SPIDR: variants seen among roughly 807,000 people sequenced by gnomAD.
The protein encoded by SPIDR is scaffold protein involved in DNA repair.
In SPIDR, 93 loss-of-function variants were observed where a neutral mutation model predicts 104.6. The ratio of observed to expected loss-of-function variants is 0.89; its 90% CI spans 0.75 to 1.06. SPIDR has a LOEUF of 1.06. Among genes scored for constraint, SPIDR ranks in the 50% least tolerant of loss-of-function variants. The pLI is 0.00. For synonymous variants in SPIDR, 431 were observed against 416.9 expected (o/e 1.03, Z -0.41); for missense variants, 1,154 against 1,111.2 (o/e 1.04, Z -0.55).
At chr8:47,681,629 C>A (rs534596754) in intron 11 of SPIDR, among the ~76,000 whole-genome samples, 47 of 152,180 alleles carry the variant, frequency 3.1e-4, no homozygotes, top group Non-Finnish European at 5.6e-4. Context: ...TCCCAAGTCA[C>A]ACAAATCATT....
chr8:47,447,031 C>T (rs1241940685), intron 8 of SPIDR, among the ~76,000 whole-genome samples: 1 of 152,130 alleles, frequency 6.6e-6, no homozygotes, highest in African/African-American at 2.4e-5. Flanking sequence ...TTCCAACCCT[C>T]TTCAGTGACT....
intron 7 of SPIDR, among the ~76,000 whole-genome samples, chr8:47,434,024 C>T (rs1554690733): frequency 1.3e-5 from 2 of 152,004 alleles, no homozygotes; most frequent in African/African-American, 4.8e-5. Flanking sequence ...ACAGAAACAC[C>T]CCAAATAAAA....
At chr8:47,610,748 A>T (rs765076699) in intron 10 of SPIDR, among the ~76,000 whole-genome samples, 13 of 152,256 alleles carry the variant, frequency 8.5e-5, no homozygotes, top group Non-Finnish European at 1.9e-4. Flanking sequence ...AGAGGATTAT[A>T]CATGAACAGA....
At chr8:47,428,972 G>A (rs1430121067) in intron 7 of SPIDR, among the ~76,000 whole-genome samples, 1 of 152,118 alleles carries the variant, frequency 6.6e-6, no homozygotes, top group African/African-American at 2.4e-5. Flanking sequence ...CCTTACCCAC[G>A]TTTCAGTGCA....
intron 8 of SPIDR, among the ~76,000 whole-genome samples, chr8:47,548,445 C>T (rs1037713032): frequency 3.3e-5 from 5 of 152,136 alleles, no homozygotes; most frequent in African/African-American, 9.7e-5. Context: ...GTCAGGAGTT[C>T]GAGACCAGCC....
At chr8:47,362,417 G>T (rs550292608) in intron 5 of SPIDR, among the ~76,000 whole-genome samples, 68 of 152,188 alleles carry the variant, frequency 4.5e-4, no homozygotes, top group African/African-American at 1.6e-3. Flanking sequence ...ATCTCCCCTG[G>T]TATGAAGGGC....
intron 10 of SPIDR, among the ~76,000 whole-genome samples, chr8:47,647,200 G>A (rs1032229580): frequency 1.3e-5 from 2 of 152,148 alleles, no homozygotes; most frequent in Admixed American, 1.3e-4. Flanking sequence ...TGTGTTTCAA[G>A]CATTGTTCTA....
At chr8:47,413,661 T>G (rs74565733) in intron 7 of SPIDR, among the ~76,000 whole-genome samples, 2,373 of 152,340 alleles carry the variant, frequency 0.016, 21 homozygotes, top group Non-Finnish European at 0.024. Flanking sequence ...TTAAATAGTT[T>G]GGGTTCTGTC....
intron 8 of SPIDR, among the ~76,000 whole-genome samples, chr8:47,582,536 T>TA (rs1266182836): frequency 6.6e-6 from 1 of 152,186 alleles, no homozygotes; most frequent in Non-Finnish European, 1.5e-5. Context: ...TTAAGTCTAT[T>TA]AAATTGTTCC....
intron 7 of SPIDR, among the ~76,000 whole-genome samples, chr8:47,436,238 A>G (rs375934474): frequency 6.6e-6 from 1 of 152,186 alleles, no homozygotes; most frequent in Non-Finnish European, 1.5e-5. Context: ...GGGGATTTTC[A>G]AGGGAAGGAA....
At chr8:47,602,807 A>AT (rs1297006782) in intron 10 of SPIDR, among the ~76,000 whole-genome samples, 2 of 152,272 alleles carry the variant, frequency 1.3e-5, no homozygotes, top group African/African-American at 4.8e-5. Context: ...TTCTCTCAAA[A>AT]GATTCATGTC....
intron 8 of SPIDR, among the ~76,000 whole-genome samples, chr8:47,552,089 G>C (rs928684990): frequency 6.6e-6 from 1 of 152,208 alleles, no homozygotes; most frequent in Non-Finnish European, 1.5e-5. Context: ...TTTTGAGTGA[G>C]TTTCTTAATC....
At chr8:47,534,881 T>C (rs541584681) in intron 8 of SPIDR, among the ~76,000 whole-genome samples, 1 of 151,912 alleles carries the variant, frequency 6.6e-6, no homozygotes, top group East Asian at 1.9e-4. Flanking sequence ...GAACGATTAA[T>C]AAAATTGATA....
intron 7 of SPIDR, among the ~76,000 whole-genome samples, chr8:47,422,350 AT>A (rs1362392470): frequency 3.9e-5 from 6 of 151,908 alleles, no homozygotes; most frequent in African/African-American, 1.5e-4. Context: ...TTGCAGTTTG[AT>A]TTCAGACTGC....
At chr8:47,336,736 CTG>C (rs1554609656) in intron 5 of SPIDR, among the ~76,000 whole-genome samples, 1 of 152,226 alleles carries the variant, frequency 6.6e-6, no homozygotes, top group East Asian at 1.9e-4. Context: ...TATTAAAAAA[CTG>C]TGGGACTGTT....
chr8:47,570,162 T>G (rs2058344466), intron 8 of SPIDR, among the ~76,000 whole-genome samples: 1 of 152,114 alleles, frequency 6.6e-6, no homozygotes, highest in Non-Finnish European at 1.5e-5. Context: ...ACTCACCCTT[T>G]CCAATTTAAA....
In SPIDR at chr8:47,308,932, G is replaced by A. The variant is rs1025634604; in HGVS notation, c.525+14902G>A. On this transcript the variant is annotated intron_variant, in intron 5 of 19. Transcript: ENST00000297423. ...TGCAAGTGATTAAAATTATATTCAG[G>A]CCTTCCCCTGGACATTAACAAGCCT... Among the ~76,000 whole-genome samples the A allele has an allele frequency of 1.5e-4, 23 of 152,166 alleles. 1 individual carries two copies. Among genetic ancestry groups the A allele is most frequent in the Admixed American group, 1.5e-3 (23 of 15,268 alleles).
At chr8:47,369,911 T>G (rs566753278) in intron 5 of SPIDR, among the ~76,000 whole-genome samples, 1 of 152,316 alleles carries the variant, frequency 6.6e-6, no homozygotes, top group East Asian at 1.9e-4. Context: ...GTCTGGATTT[T>G]TTTTTGTTTT....
At position 47,700,465 on chromosome 8, in the gene SPIDR, C is replaced by G. The variant is rs745697126; in HGVS notation, c.1748C>G (p.Pro583Arg). 6.2e-7 allele frequency: 1 copy of G among 1,614,200 alleles called. No homozygotes were observed. The highest frequency in any genetic ancestry group is 8.5e-7 in the Non-Finnish European group (1 of 1,180,044). Residue 583 changes from proline to arginine, a missense_variant, in exon 12 of 20, where the codon CCT becomes CGT. By Grantham distance (103) the Pro-to-Arg change is moderately radical. Coordinates refer to ENST00000297423, the MANE Select transcript of SPIDR (RefSeq NM_001080394.4). ...CCCCCAGCGATACCTCTGAAAACAC[C>G]TGGCCGCGACCAGCCCTGTGAAGAG... ...LWPPAIPLKT[P>R]GRDQPCEEIK...
Sources: allele counts gnomAD v4.1 joint callset (sites outside exome capture counted in the v4.1 genomes callset), GRCh38; gene constraint gnomAD v4.1.1; transcripts MANE v1.5; gene names NCBI Gene and HGNC (gene_info 2026-07-23, HGNC 2026-07-21).